GADL1: variants seen among roughly 807,000 people sequenced by gnomAD.
The protein encoded by GADL1 is GAD like acidic amino acid decarboxylase 1.
In GADL1, 71 loss-of-function variants were observed where a neutral mutation model predicts 69.5. The observed-to-expected ratio is 1.02, with a 90% CI of 0.84 to 1.25. GADL1 has a LOEUF of 1.25. Among genes scored for constraint, GADL1 ranks in the 50% most tolerant of loss-of-function variants. The pLI is 0.00. For missense variants in GADL1, 737 were observed against 631.8 expected (o/e 1.17, Z -1.79); for synonymous variants, 254 against 214.4 (o/e 1.18, Z -1.62).
chr3:30,890,695 T>C (rs1373393521), intron 1 of GADL1, among the ~76,000 whole-genome samples: 1 of 152,038 alleles, frequency 6.6e-6, no homozygotes, highest in Non-Finnish European at 1.5e-5. Flanking sequence ...ATGCAGCTAG[T>C]GGATATTCTT....
intron 14 of GADL1, among the ~76,000 whole-genome samples, chr3:30,776,960 A>C (rs906028707): frequency 6.6e-6 from 1 of 152,166 alleles, no homozygotes; most frequent in Admixed American, 6.5e-5. Context: ...TTATTGTTAA[A>C]AACTCAGCTC....
Position 30,885,774 on chromosome 3 carries a change from T to A in GADL1, c.37+8804A>T, listed in dbSNP as rs191967434. Among the ~76,000 whole-genome samples the A allele has an allele frequency of 1.6e-4, 24 of 151,952 alleles. No individual in the cohort carries two copies. In the East Asian group the frequency reaches 3.9e-3, roughly 25 times the overall value. The stretch of plus-strand genomic sequence containing the variant: ...ACATTTTTTATAAAATTAAATTTTA[T>A]ATATTTACTTTTAATAGAGGTGAGA... On this transcript the variant is annotated intron_variant, in intron 1 of 14. Coordinates refer to ENST00000282538, the MANE Select transcript of GADL1 (RefSeq NM_207359.3).
intron 11 of GADL1, among the ~76,000 whole-genome samples, chr3:30,827,045 A>T (rs1697692433): frequency 6.6e-6 from 1 of 151,946 alleles, no homozygotes; most frequent in Non-Finnish European, 1.5e-5. Flanking sequence ...AAGAAGGGTC[A>T]TGCTTTGAGA....
In GADL1 at chr3:30,856,265, T is replaced by C. The variant is rs114036106; in HGVS notation, c.337+750A>G. On this transcript the variant is annotated intron_variant, in intron 3 of 14. Coordinates refer to ENST00000282538, the MANE Select transcript of GADL1 (RefSeq NM_207359.3). Reference sequence around the variant, plus strand: ...GTAATGCCTGTATGATCTTAAGCGCTAGATACCTTTACATTACACTGACAA... The same window carrying C: ...GTAATGCCTGTATGATCTTAAGCGCCAGATACCTTTACATTACACTGACAA... Among the ~76,000 whole-genome samples, 1,353 of 152,184 alleles carry C rather than the reference T, an allele frequency of 8.9e-3. 22 individuals are homozygous for C. Among genetic ancestry groups the C allele is most frequent in the African/African-American group, 0.031 (1,279 of 41,554 alleles).
intron 11 of GADL1, among the ~76,000 whole-genome samples, chr3:30,822,105 T>C (rs1022461221): frequency 1.3e-5 from 2 of 152,076 alleles, no homozygotes; most frequent in African/African-American, 4.8e-5. Context: ...CTTGGAAACT[T>C]TCTCTATAGA....
At chr3:30,730,822 T>C (rs1320105570) in intron 14 of GADL1, among the ~76,000 whole-genome samples, 1 of 152,194 alleles carries the variant, frequency 6.6e-6, no homozygotes, top group Admixed American at 6.5e-5. Context: ...TTCTCGTGCA[T>C]ATGTGGATAT....
intron 14 of GADL1, among the ~76,000 whole-genome samples, chr3:30,772,678 C>A (rs1316847977): frequency 6.6e-6 from 1 of 152,084 alleles, no homozygotes; most frequent in Non-Finnish European, 1.5e-5. Context: ...AGTTTGAGAC[C>A]AGCCTGGCCA....
intron 9 of GADL1, among the ~76,000 whole-genome samples, chr3:30,838,223 T>C (rs1181098963): frequency 2.0e-5 from 3 of 152,098 alleles, no homozygotes; most frequent in Non-Finnish European, 2.9e-5. Context: ...ATCAAACTAA[T>C]TAACTGCTGG....
chr3:30,754,428 A>G (rs930459800), intron 14 of GADL1, among the ~76,000 whole-genome samples: 42 of 152,192 alleles, frequency 2.8e-4, no homozygotes, highest in Non-Finnish European at 6.2e-4. Flanking sequence ...TAAAAGCATG[A>G]ATCCTAAAGG....
chr3:30,754,676 T>C (rs1695922133), intron 14 of GADL1, among the ~76,000 whole-genome samples: 1 of 152,060 alleles, frequency 6.6e-6, no homozygotes, highest in Non-Finnish European at 1.5e-5. Flanking sequence ...ACATAAAATC[T>C]CAACTGCCTA....
At chr3:30,763,334 A>C (rs1696186813) in intron 14 of GADL1, among the ~76,000 whole-genome samples, 1 of 151,978 alleles carries the variant, frequency 6.6e-6, no homozygotes, top group Non-Finnish European at 1.5e-5. Flanking sequence ...CCCTGTCGCT[A>C]CTAAAAATAA....
intron 6 of GADL1, 50 bp from the exon 7 acceptor site, chr3:30,844,516 A>C (rs1559359126): frequency 8.6e-7 from 1 of 1,158,884 alleles, no homozygotes; most frequent in East Asian, 2.3e-5. Context: ...AACATAGCAC[A>C]AAAAAAGCAT....
chr3:30,877,000 A>T (rs1432514661), intron 1 of GADL1, among the ~76,000 whole-genome samples: 1 of 151,856 alleles, frequency 6.6e-6, no homozygotes, highest in African/African-American at 2.4e-5. Context: ...AAAATCTAAC[A>T]AATACCTATT....
intron 1 of GADL1, among the ~76,000 whole-genome samples, chr3:30,863,043 ACACACACACACT>A (rs1698344075): frequency 6.7e-6 from 1 of 149,450 alleles, no homozygotes; most frequent in South Asian, 2.1e-4. Context: ...ACACACACAC[ACACACACACACT>A]CTCTCTCACA....
chr3:30,856,965 A>T, intron 3 of GADL1, 50 bp downstream of exon 3: 1 of 1,488,924 alleles, frequency 6.7e-7, no homozygotes. Flanking sequence ...CTTTGCAAAC[A>T]TAAGAACTTG....
At chr3:30,892,965 T>G (rs2125549116) in intron 1 of GADL1, among the ~76,000 whole-genome samples, 1 of 152,348 alleles carries the variant, frequency 6.6e-6, no homozygotes, top group African/African-American at 2.4e-5. Context: ...CAAGCGATTC[T>G]CCTGCCTCAG....
intron 4 of GADL1, among the ~76,000 whole-genome samples, chr3:30,853,986 G>A (rs1019450432): frequency 4.6e-5 from 7 of 151,984 alleles, no homozygotes; most frequent in African/African-American, 1.2e-4. Flanking sequence ...GGCCCTATAT[G>A]TCTGGCTTCT....
intron 1 of GADL1, among the ~76,000 whole-genome samples, chr3:30,874,039 T>C (rs1181302472): frequency 6.6e-6 from 1 of 151,908 alleles, no homozygotes; most frequent in East Asian, 1.9e-4. Context: ...TGGTCCAAAC[T>C]GCCTTCTAGG....
intron 11 of GADL1, among the ~76,000 whole-genome samples, chr3:30,806,119 A>G (rs949725628): frequency 6.6e-6 from 1 of 151,976 alleles, no homozygotes; most frequent in Non-Finnish European, 1.5e-5. Context: ...CCTCCTTGCA[A>G]TGATGTTTTT....
Sources: gnomAD v4.1 joint callset for allele counts (sites outside exome capture counted in the v4.1 genomes callset) on GRCh38, gnomAD v4.1.1 for gene constraint, MANE v1.5 for transcripts, NCBI Gene and HGNC (gene_info 2026-07-23, HGNC 2026-07-21) for gene names.